The following HTT variants were observed in gnomAD, a reference collection of about 807,000 sequenced individuals.
The protein encoded by HTT is huntingtin.
Under a neutral mutation model 362.3 loss-of-function variants are expected in HTT, and 104 were observed. The observed-to-expected ratio is 0.29, with a 90% CI of 0.24 to 0.34. HTT has a LOEUF of 0.34. Ranked by LOEUF, HTT falls within the 10% of genes least tolerant of loss-of-function variation. The pLI, the probability that HTT is intolerant of heterozygous loss-of-function variation, is 1.00. For synonymous variants in HTT, 1,577 were observed against 1,548.7 expected, an observed-to-expected ratio of 1.02 and a Z score of -0.43; for missense variants, 3,301 against 3,928.6, an observed-to-expected ratio of 0.84 and a Z score of 4.27.
chr4:3,230,560 T>C (rs547129473), intron 60 of HTT, among the ~76,000 whole-genome samples: 10 of 152,296 alleles, frequency 6.6e-5, no homozygotes, highest in Admixed American at 5.9e-4. Context: ...GGTGGTTGTC[T>C]TAGTCTTTTT....
intron 3 of HTT, among the ~76,000 whole-genome samples, chr4:3,099,889 G>A (rs1213412488): frequency 1.4e-5 from 2 of 145,494 alleles, no homozygotes; most frequent in Admixed American, 1.3e-4. Flanking sequence ...GTTTGGAGGT[G>A]CTCTGTTGTA....
Position 3,223,520 on chromosome 4 carries a change from C to G in HTT, c.7585C>G (p.Gln2529Glu), listed in dbSNP as rs1416449250. 1 of 1,613,592 alleles carries G rather than the reference C, an allele frequency of 6.2e-7. No individual in the cohort carries two copies. The part of the protein sequence containing the change: ...AGNPAVSCLE[Q>E]QPRNKPLKAL... Reference sequence around the variant, plus strand: ...CAACCCAGCTGTAAGCTGCTTGGAGCAGCAGCCCCGGAACAAGCCTCTGAA... The same window carrying G: ...CAACCCAGCTGTAAGCTGCTTGGAGGAGCAGCCCCGGAACAAGCCTCTGAA... Residue 2529 changes from glutamine (Q) to glutamate (E), a missense_variant, in exon 55 of 67, where the codon CAG (glutamine) becomes GAG (glutamate). Coordinates refer to ENST00000355072, the MANE Select transcript of HTT (RefSeq NM_001388492.1).
At chr4:3,200,041 C>A in intron 41 of HTT, 102 bp downstream of exon 41, 1 of 943,500 alleles carries the variant, frequency 1.1e-6, no homozygotes, top group Non-Finnish European at 1.6e-6. Flanking sequence ...TTTTCATTTT[C>A]CATTTTTTGT....
At chr4:3,121,694 CAAAAA>C (rs1019406950) in intron 9 of HTT, 7 of 39,760 alleles carry the variant, frequency 1.8e-4, no homozygotes, top group South Asian at 5.7e-4. Context: ...CCTGTCTCTA[CAAAAA>C]AAAAAAAAAA....
intron 49 of HTT, among the ~76,000 whole-genome samples, chr4:3,213,629 C>T (rs191945706): frequency 3.3e-5 from 5 of 152,382 alleles, no homozygotes; most frequent in Admixed American, 1.3e-4. Flanking sequence ...CAGAGGCAAG[C>T]CCTGGTGCTG....
intron 2 of HTT, among the ~76,000 whole-genome samples, chr4:3,095,985 C>T (rs139815883): frequency 2.0e-5 from 3 of 152,146 alleles, no homozygotes; most frequent in Non-Finnish European, 2.9e-5. Context: ...CTGCAAGAAA[C>T]ACATTCTAAA....
At chr4:3,118,511 G>A (rs1344010213) in intron 8 of HTT, among the ~76,000 whole-genome samples, 1 of 152,166 alleles carries the variant, frequency 6.6e-6, no homozygotes, top group Non-Finnish European at 1.5e-5. Flanking sequence ...TGTGGTCTTT[G>A]CTAAGTCCCA....
At chr4:3,203,183 A>C (rs1466704887) in intron 41 of HTT, 1 of 152,242 alleles carries the variant, frequency 6.6e-6, no homozygotes, top group African/African-American at 2.4e-5. Flanking sequence ...CAGTTGGGAA[A>C]CAGAGAAAAG....
chr4:3,107,448 A>G, intron 6 of HTT, 25 bp downstream of exon 6: 1 of 1,613,386 alleles, frequency 6.2e-7, no homozygotes, highest in Middle Eastern at 1.6e-4. Flanking sequence ...TCAGGTCACA[A>G]ACATGCGAGT....
intron 42 of HTT, 91 bp downstream of exon 42, chr4:3,204,239 C>G (rs2110267007): frequency 7.8e-7 from 1 of 1,288,144 alleles, no homozygotes; most frequent in African/African-American, 1.5e-5. Context: ...CCCTCTGGAA[C>G]CCAGACCGCC....
At position 3,177,361 on chromosome 4, in the gene HTT, T is replaced by C. The variant is rs779617267; in HGVS notation, c.4437T>C (p.Phe1479=). The C allele has an allele frequency of 9.4e-6, 15 of 1,601,094 alleles. No individual in the cohort carries two copies. The Admixed American group carries it at 2.5e-4, about 26-fold the overall frequency. Reference sequence around the variant, plus strand: ...TTATTGGCTTTGTATTGAAACAGTTTGAATACATTGAAGTGGGCCAGTTCA... The same window carrying C: ...TTATTGGCTTTGTATTGAAACAGTTCGAATACATTGAAGTGGGCCAGTTCA... The part of the protein sequence containing the change: ...QVFIGFVLKQ[F]EYIEVGQFRE... The change falls in exon 34 of 67, where the codon TTT becomes TTC. Residue 1479 remains phenylalanine (F), a synonymous_variant. Coordinates refer to ENST00000355072, the MANE Select transcript of HTT (RefSeq NM_001388492.1).
At chr4:3,122,979 AT>A in intron 10 of HTT, 43 bp downstream of exon 10, 1 of 1,465,308 alleles carries the variant, frequency 6.8e-7, no homozygotes, top group Non-Finnish European at 9.5e-7. Flanking sequence ...AATCTTACTG[AT>A]TTTCTTGTAT....
At chr4:3,132,532 G>A (rs763634556) in intron 16 of HTT, 30 bp from the exon 17 acceptor site, 1 of 1,598,802 alleles carries the variant, frequency 6.3e-7, no homozygotes, top group East Asian at 2.2e-5. Context: ...GTAGGGAATT[G>A]TTCCATGGCT....
chr4:3,166,521 C>A (rs1055330629), intron 29 of HTT, among the ~76,000 whole-genome samples: 3 of 152,240 alleles, frequency 2.0e-5, no homozygotes, highest in Non-Finnish European at 4.4e-5. Flanking sequence ...GCCCTTCCCC[C>A]AGAGGTGGAA....
At position 3,131,624 on chromosome 4, in the gene HTT, T is replaced by C. The variant is rs749868244; in HGVS notation, c.2099-14T>C. On this transcript the variant is annotated splice_polypyrimidine_tract_variant and intron_variant, in intron 15 of 66. Coordinates refer to ENST00000355072, the MANE Select transcript of HTT (RefSeq NM_001388492.1). ...TGTTTGAGGCTGAAGGTGGCTTGGG[T>C]GATTTCTTGGCAGTGCTGGTTCCGG... 2.5e-6 allele frequency: 4 copies of C among 1,610,080 alleles called. No homozygotes were observed. In the African/African-American group the frequency reaches 5.4e-5, roughly 22 times the overall value.
At position 3,111,050 on chromosome 4, in the gene HTT, C is replaced by T. The variant is rs948015749; in HGVS notation, c.747+3627C>T. ...TTCTTTGTCTCTTGATGGGGTCTTG[C>T]CCTGTTGCCCAGGTTGTGGTGCAGT... On this transcript the variant is annotated intron_variant, in intron 6 of 66. Coordinates refer to ENST00000355072, the MANE Select transcript of HTT (RefSeq NM_001388492.1). Among the ~76,000 whole-genome samples the T allele has an allele frequency of 1.8e-4, 28 of 152,128 alleles. 1 individual carries two copies. Among genetic ancestry groups the T allele is most frequent in the African/African-American group, 5.3e-4 (22 of 41,410 alleles).
At chr4:3,207,134 T>C in intron 44 of HTT, 147 bp from the exon 45 acceptor site, 1 of 1,026,158 alleles carries the variant, frequency 9.7e-7, no homozygotes, top group Non-Finnish European at 1.5e-6. Context: ...GTTACTCGTG[T>C]GTCCGATCTG....
chr4:3,131,244 T>C, intron 14 of HTT, 42 bp from the exon 15 acceptor site: 1 of 1,365,306 alleles, frequency 7.3e-7, no homozygotes, highest in South Asian at 1.2e-5. Flanking sequence ...ATGAATGTAT[T>C]GTTGAGTATG....
chr4:3,173,084 C>A lies in HTT; in HGVS notation c.4119C>A (p.Ala1373=), dbSNP rs538068374. The part of the protein sequence containing the change: ...YTHFTQALAD[A]SLRNMVQAEQ... Reference sequence around the variant, plus strand: ...ACTTCACCCAGGCCCTCGCTGACGCCAGCCTGAGGAACATGGTGCAGGCGG... The same window carrying A: ...ACTTCACCCAGGCCCTCGCTGACGCAAGCCTGAGGAACATGGTGCAGGCGG... Residue 1373 remains alanine (A), a synonymous_variant, in exon 31 of 67, where the codon GCC becomes GCA. Coordinates refer to ENST00000355072, the MANE Select transcript of HTT (RefSeq NM_001388492.1). 1 of 1,614,072 alleles carries A rather than the reference C, an allele frequency of 6.2e-7. No homozygotes were observed. The highest frequency in any genetic ancestry group is 1.3e-5 in the African/African-American group (1 of 74,954).
Sources: gnomAD v4.1 joint callset for allele counts (sites outside exome capture counted in the v4.1 genomes callset) on GRCh38, gnomAD v4.1.1 for gene constraint, MANE v1.5 for transcripts, NCBI Gene and HGNC (gene_info 2026-07-23, HGNC 2026-07-21) for gene names.